The following PLCB4 variants were observed in gnomAD, a reference collection of about 807,000 sequenced individuals.
PLCB4 encodes the protein phospholipase C beta 4, also known as 1-phosphatidylinositol 4,5-bisphosphate phosphodiesterase beta-4.
PLCB4 carries 77 observed loss-of-function variants against 178.8 expected under a neutral mutation model. That is an observed-to-expected ratio of 0.43 (90% CI 0.36 to 0.52). The LOEUF (loss-of-function observed/expected upper bound fraction) is 0.52, where lower values mean the gene tolerates loss of function less well. Ranked by LOEUF, PLCB4 falls within the 20% of genes least tolerant of loss-of-function variation. The pLI is 0.00. For missense variants in PLCB4, 1,024 were observed against 1,453.4 expected (o/e 0.70, Z 4.80); for synonymous variants, 496 against 490.8 (o/e 1.01, Z -0.14).
Position 9,344,515 on chromosome 20 carries a change from C to T in PLCB4, c.369+5478C>T, listed in dbSNP as rs6056565. Among the ~76,000 whole-genome samples the T allele has an allele frequency of 3.5e-3, 527 of 152,296 alleles. 3 individuals are homozygous for T. The highest frequency in any genetic ancestry group is 0.012 in the African/African-American group (500 of 41,562). On this transcript the variant is annotated intron_variant, in intron 7 of 39. Coordinates refer to ENST00000378473, the MANE Select transcript of PLCB4 (RefSeq NM_001377142.1). ...AGTGAGTGCTCAATAAAAACCTATT[C>T]TATTGAGGTATTTATGTTGACTAAA...
chr20:9,132,115 A>G (rs2092286900), intron 2 of PLCB4, among the ~76,000 whole-genome samples: 1 of 152,190 alleles, frequency 6.6e-6, no homozygotes, highest in South Asian at 2.1e-4. Context: ...TTAAATTACT[A>G]AGTTTTACAG....
intron 2 of PLCB4, among the ~76,000 whole-genome samples, chr20:9,167,712 T>C (rs1156972967): frequency 6.6e-6 from 1 of 152,074 alleles, no homozygotes; most frequent in Non-Finnish European, 1.5e-5. Flanking sequence ...GACAGAGGAG[T>C]GATGCTGAAG....
chr20:9,472,222 C>T (rs1352296250), intron 36 of PLCB4, among the ~76,000 whole-genome samples: 1 of 152,160 alleles, frequency 6.6e-6, no homozygotes, highest in Non-Finnish European at 1.5e-5. Context: ...CTGTGCCTGG[C>T]CAGCAACATC....
At chr20:9,338,579 C>T (rs78154045) in intron 6 of PLCB4, among the ~76,000 whole-genome samples, 9,858 of 151,844 alleles carry the variant, frequency 0.065, 420 homozygotes, top group African/African-American at 0.12. Context: ...CAGGAGGCTG[C>T]GGTGGGAGGA....
In PLCB4 at chr20:9,329,251, A is replaced by G. The variant is rs1284541587; in HGVS notation, c.85-7875A>G. The stretch of plus-strand genomic sequence containing the variant: ...ATCTATGTCTGTAGCTCGGTTTTTC[A>G]GGCTGCTCTTTGTTAGAAAAGAAAT... On this transcript the variant is annotated intron_variant, in intron 4 of 39. Transcript: ENST00000378473. Among the ~76,000 whole-genome samples the G allele has an allele frequency of 2.0e-5, 3 of 152,152 alleles. No individual in the cohort carries two copies. The East Asian group carries it at 5.8e-4, about 29-fold the overall frequency.
At chr20:9,076,393 G>A (rs1329050347) in intron 1 of PLCB4, among the ~76,000 whole-genome samples, 5 of 152,072 alleles carry the variant, frequency 3.3e-5, no homozygotes, top group East Asian at 3.9e-4. Flanking sequence ...CTCGAACCTC[G>A]GAGGCAGAGG....
chr20:9,322,361 T>C (rs1248689831), intron 4 of PLCB4, among the ~76,000 whole-genome samples: 1 of 152,210 alleles, frequency 6.6e-6, no homozygotes, highest in Non-Finnish European at 1.5e-5. Context: ...CATAAAATAT[T>C]GTCAGCGAGA....
intron 2 of PLCB4, among the ~76,000 whole-genome samples, chr20:9,121,434 T>C (rs1331736435): frequency 1.3e-5 from 2 of 152,204 alleles, no homozygotes; most frequent in Non-Finnish European, 2.9e-5. Flanking sequence ...TTCTGTTTCT[T>C]CTGAGTTGTC....
At chr20:9,172,474 A>C (rs1286054126) in intron 2 of PLCB4, among the ~76,000 whole-genome samples, 1 of 152,204 alleles carries the variant, frequency 6.6e-6, no homozygotes, top group African/African-American at 2.4e-5. Context: ...GCATTGGCTT[A>C]TAAACCTTTT....
At chr20:9,402,933 C>G (rs2039146352) in intron 20 of PLCB4, among the ~76,000 whole-genome samples, 1 of 152,178 alleles carries the variant, frequency 6.6e-6, no homozygotes, top group East Asian at 1.9e-4. Flanking sequence ...TGCCATCTGA[C>G]TCTTTCTCTG....
intron 1 of PLCB4, among the ~76,000 whole-genome samples, chr20:9,071,254 C>T (rs1221480654): frequency 6.6e-6 from 1 of 152,160 alleles, no homozygotes; most frequent in Non-Finnish European, 1.5e-5. Context: ...TTGCCTTTCC[C>T]AAGATTACAC....
Position 9,083,424 on chromosome 20 carries a change from TG to T in PLCB4, c.-134-12860del, listed in dbSNP as rs2090253740. Among the ~76,000 whole-genome samples, 4 of 152,160 alleles carry T rather than the reference TG, an allele frequency of 2.6e-5. No individual in the cohort carries two copies. In the East Asian group the frequency reaches 5.8e-4, roughly 22 times the overall value. On this transcript the variant is annotated intron_variant, in intron 1 of 39. Transcript: ENST00000378473. ...CAGGTGCTTGAGCCACACTGTGGAATGGGATACATAAGAAATGGAGCCAATT... is the reference window on the plus strand; with the variant it reads ...CAGGTGCTTGAGCCACACTGTGGAATGGATACATAAGAAATGGAGCCAATT...
intron 7 of PLCB4, 48 bp from the exon 8 acceptor site, chr20:9,362,848 G>A (rs753887594): frequency 8.3e-7 from 1 of 1,211,378 alleles, no homozygotes; most frequent in Non-Finnish European, 1.2e-6. Context: ...TGCTCTATTT[G>A]ACTCCAGCAG....
At chr20:9,297,849 TA>T (rs2094657158) in intron 3 of PLCB4, among the ~76,000 whole-genome samples, 1 of 152,142 alleles carries the variant, frequency 6.6e-6, no homozygotes, top group African/African-American at 2.4e-5. Context: ...AGGGAATTGC[TA>T]CAGGCAAACA....
intron 33 of PLCB4, among the ~76,000 whole-genome samples, chr20:9,456,855 G>C (rs951561179): frequency 6.6e-6 from 1 of 152,112 alleles, no homozygotes; most frequent in Non-Finnish European, 1.5e-5. Context: ...GCAGCGATGT[G>C]GATATTCCAA....
At chr20:9,225,344 T>C (rs1568979420) in intron 3 of PLCB4, among the ~76,000 whole-genome samples, 1 of 152,204 alleles carries the variant, frequency 6.6e-6, no homozygotes, top group Non-Finnish European at 1.5e-5. Context: ...AACAAATGCT[T>C]AAGGCTTGTC....
intron 3 of PLCB4, among the ~76,000 whole-genome samples, chr20:9,302,464 G>C (rs779208764): frequency 6.6e-6 from 1 of 152,066 alleles, no homozygotes; most frequent in Non-Finnish European, 1.5e-5. Context: ...CCTGATGCCA[G>C]GCCCTAGGAA....
intron 18 of PLCB4, 70 bp from the exon 19 acceptor site, chr20:9,395,453 G>A (rs1214990202): frequency 2.8e-5 from 28 of 1,000,420 alleles, no homozygotes; most frequent in Non-Finnish European, 3.8e-5. Flanking sequence ...CCTCAGTGTC[G>A]ATCTCAAGGC....
chr20:9,474,607 C>T (rs57418457), intron 38 of PLCB4, among the ~76,000 whole-genome samples: 5 of 151,978 alleles, frequency 3.3e-5, no homozygotes, highest in African/African-American at 1.2e-4. Context: ...TACTTTTTTC[C>T]AGAGTAAATG....
Sources: gnomAD v4.1 joint callset for allele counts (sites outside exome capture counted in the v4.1 genomes callset) on GRCh38, gnomAD v4.1.1 for gene constraint, MANE v1.5 for transcripts, NCBI Gene and HGNC (gene_info 2026-07-23, HGNC 2026-07-21) for gene names.